The following GABRE variants were observed in gnomAD, a reference collection of about 807,000 sequenced individuals.
GABRE encodes the protein gamma-aminobutyric acid type A receptor subunit epsilon, also known as gamma-aminobutyric acid receptor subunit epsilon.
In GABRE, 20 loss-of-function variants were observed where a neutral mutation model predicts 31.0. The ratio of observed to expected loss-of-function variants is 0.64; its 90% confidence interval spans 0.45 to 0.94. The LOEUF (loss-of-function observed/expected upper bound fraction) is 0.94. Among genes scored for constraint, GABRE ranks in the 40% least tolerant of loss-of-function variants. The pLI is 0.00. For synonymous variants in GABRE, 155 were observed against 150.6 expected (o/e 1.03, Z -0.21); for missense variants, 420 against 410.7 (o/e 1.02, Z -0.20).
chrX:151,964,991 A>C (rs1475629363), intron 3 of GABRE, among the ~76,000 whole-genome samples: 1 of 111,378 alleles, frequency 9.0e-6, no homozygotes. Flanking sequence ...TCTCTACTAA[A>C]AATACAAAAA....
rs1423528613 is a variant in GABRE, at chrX:151,974,558, A to G, written c.56+12T>C. ...GCGCGAAGGGCTCCCGGGTCCCGGGATGGAGACTCACCTCGACTGGAGGAT... is the reference window on the plus strand; with the variant it reads ...GCGCGAAGGGCTCCCGGGTCCCGGGGTGGAGACTCACCTCGACTGGAGGAT... On this transcript the variant is annotated intron_variant, in intron 1 of 8. Coordinates refer to ENST00000370328, the MANE Select transcript of GABRE (RefSeq NM_004961.4). The G allele has an allele frequency of 1.3e-5, 15 of 1,115,424 alleles. No individual in the cohort carries two copies. The highest frequency in any genetic ancestry group is 1.8e-5 in the Non-Finnish European group (15 of 838,942). 91.9% of individuals were successfully genotyped at this position (1,115,424 alleles called of 1,213,427 possible).
intron 3 of GABRE, among the ~76,000 whole-genome samples, chrX:151,964,346 G>C (rs937353973): frequency 8.9e-6 from 1 of 111,771 alleles, no homozygotes; most frequent in African/African-American, 3.3e-5. Context: ...TTCTGTGATG[G>C]GCTTATCAAG....
chrX:151,961,740 G>A (rs966186489), intron 4 of GABRE, among the ~76,000 whole-genome samples: 4 of 111,391 alleles, frequency 3.6e-5, no homozygotes, highest in Non-Finnish European at 7.5e-5. Flanking sequence ...GATCACAGGC[G>A]TGAGCCACCG....
At chrX:151,962,141 A>G (rs1243117185) in intron 4 of GABRE, among the ~76,000 whole-genome samples, 1 of 112,259 alleles carries the variant, frequency 8.9e-6, no homozygotes, top group African/African-American at 3.2e-5. Flanking sequence ...TAATGCAGTC[A>G]TACTGGCACA....
At chrX:151,974,398 G>A (rs944670635) in intron 1 of GABRE, among the ~76,000 whole-genome samples, 172 bp downstream of exon 1, 14 of 111,514 alleles carry the variant, frequency 1.3e-4, no homozygotes, top group African/African-American at 4.2e-4. Context: ...GGCGGGCCGA[G>A]GCCGGCGCGC....
intron 3 of GABRE, among the ~76,000 whole-genome samples, chrX:151,964,053 A>G (rs1006357245): frequency 8.9e-6 from 1 of 112,469 alleles, no homozygotes; most frequent in Admixed American, 9.4e-5. Flanking sequence ...GCGCCCTACA[A>G]ATAAATGATT....
chrX:151,953,965 C>A lies in GABRE; in HGVS notation c.*736G>T, dbSNP rs1430450866. The A allele has an allele frequency of 9.0e-6, 1 of 111,523 alleles. No homozygotes were observed. The highest frequency in any genetic ancestry group is 9.5e-5 in the Admixed American group (1 of 10,498). The allele number at this position is 111,523 out of a possible 1,213,427, so 9.2% of individuals were successfully genotyped here. A position where few individuals can be genotyped will look rare whatever the true frequency, so the allele number is the denominator to read the frequency against. On this transcript the variant is annotated 3_prime_UTR_variant, in exon 9 of 9. Transcript: ENST00000370328. Reference sequence around the variant, plus strand: ...CTATAATCACACACAAAAATAGATACCCATTGGATGAAGGGCATTGAATTG... The same window carrying A: ...CTATAATCACACACAAAAATAGATAACCATTGGATGAAGGGCATTGAATTG...
At chrX:151,958,980 A>G (rs768049479) in intron 6 of GABRE, 4 of 326,243 alleles carry the variant, frequency 1.2e-5, no homozygotes, top group South Asian at 2.6e-5. Context: ...GCAGAACAAG[A>G]TGCCTCTCAC....
intron 6 of GABRE, chrX:151,958,678 T>C (rs748865228): frequency 2.8e-6 from 1 of 361,911 alleles, no homozygotes; most frequent in South Asian, 2.5e-5. Context: ...ATCTTCTCTG[T>C]CACTTTTGAT....
chrX:151,966,427 C>T (rs1373862419), intron 3 of GABRE, among the ~76,000 whole-genome samples: 1 of 112,197 alleles, frequency 8.9e-6, no homozygotes, highest in Admixed American at 9.4e-5. Context: ...TAAACAACAT[C>T]TGACTGAAAG....
chrX:151,962,276 A>G (rs1934404700), intron 4 of GABRE, 147 bp downstream of exon 4: 1 of 512,027 alleles, frequency 2.0e-6, no homozygotes, highest in Admixed American at 3.6e-5. Context: ...TCTGTTACAT[A>G]AGGGGGCTGA....
intron 2 of GABRE, 158 bp downstream of exon 2, chrX:151,970,027 C>A: frequency 9.1e-7 from 1 of 1,100,858 alleles, no homozygotes; most frequent in Non-Finnish European, 1.2e-6. Flanking sequence ...AATGACACTG[C>A]TGAGAATAGA....
At position 151,974,675 on chromosome X, in the gene GABRE, C is replaced by G. The variant is rs1233245266; in HGVS notation, c.-50G>C. ...CTGCGCGGAGGTCGCGGCTCACGCTCTGGCCGCACTGAGCGCGGGGCGGAG... is the reference window on the plus strand; with the variant it reads ...CTGCGCGGAGGTCGCGGCTCACGCTGTGGCCGCACTGAGCGCGGGGCGGAG... On this transcript the variant is annotated 5_prime_UTR_variant, in exon 1 of 9. Transcript: ENST00000370328. 7.4e-6 allele frequency: 7 copies of G among 941,369 alleles called. No individual in the cohort carries two copies. The highest frequency in any genetic ancestry group is 3.0e-6 in the Non-Finnish European group (2 of 674,546). The allele number at this position is 941,369 out of a possible 1,213,427, so 77.6% of individuals were successfully genotyped here. A position where few individuals can be genotyped will look rare whatever the true frequency, so the allele number is the denominator to read the frequency against.
chrX:151,955,650 C>T (rs1934140700), intron 7 of GABRE, 58 bp downstream of exon 7: 2 of 1,202,419 alleles, frequency 1.7e-6, no homozygotes, highest in South Asian at 1.8e-5. Context: ...GGCAACTCTG[C>T]CCTGGCCCAG....
chrX:151,955,152 C>T (rs1267318795), intron 8 of GABRE, 68 bp from the exon 9 acceptor site: 35 of 1,175,839 alleles, frequency 3.0e-5, no homozygotes, highest in Admixed American at 5.0e-5. Flanking sequence ...GTGCTGCCTC[C>T]GGATTTTCTG....
intron 1 of GABRE, among the ~76,000 whole-genome samples, chrX:151,974,344 T>G: frequency 9.0e-6 from 1 of 111,526 alleles, no homozygotes; most frequent in Non-Finnish European, 1.9e-5. Context: ...TGTCTTCCTT[T>G]TGGAGCTCCC....
intron 6 of GABRE, chrX:151,958,984 C>T (rs1002349623): frequency 6.1e-6 from 2 of 326,223 alleles, no homozygotes; most frequent in African/African-American, 5.3e-5. Context: ...AACAAGATGC[C>T]TCTCACGACA....
At chrX:151,974,530 T>A in intron 1 of GABRE, 40 bp downstream of exon 1, 1 of 970,317 alleles carries the variant, frequency 1.0e-6, no homozygotes, top group Non-Finnish European at 1.4e-6. Context: ...GAGAGGGAGC[T>A]GGGCGCGAAG....
chrX:151,974,516 C>T (rs933835526), intron 1 of GABRE, 54 bp downstream of exon 1: 3 of 920,144 alleles, frequency 3.3e-6, no homozygotes, highest in African/African-American at 4.1e-5. Context: ...TCCCGGCTCC[C>T]GGGGAGAGGG....
Sources: gnomAD v4.1 joint callset for allele counts (sites outside exome capture counted in the v4.1 genomes callset) on GRCh38, gnomAD v4.1.1 for gene constraint, MANE v1.5 for transcripts, NCBI Gene and HGNC (gene_info 2026-07-23, HGNC 2026-07-21) for gene names.